Variants in LEKR1 observed in about 807,000 individuals in gnomAD.
LEKR1 encodes leucine, glutamate and lysine rich 1, also known as protein LEKR1.
A neutral mutation model predicts 72.4 loss-of-function variants in LEKR1; 59 were observed. The ratio of observed to expected loss-of-function variants is 0.82; its 90% CI spans 0.66 to 1.01. The LOEUF is 1.01. Among genes scored for constraint, LEKR1 ranks in the 50% least tolerant of loss-of-function variants. LEKR1 has a pLI of 0.00. For synonymous variants in LEKR1, 257 were observed against 263.2 expected, an observed-to-expected ratio of 0.98 and a Z score of 0.23; for missense variants, 728 against 759.2, an observed-to-expected ratio of 0.96 and a Z score of 0.48.
At chr3:156,827,550 C>T (rs1576616469) in intron 1 of LEKR1, among the ~76,000 whole-genome samples, 1 of 152,308 alleles carries the variant, frequency 6.6e-6, no homozygotes, top group East Asian at 1.9e-4. Flanking sequence ...ATTGTGTCTC[C>T]TTGGCTGTAT....
chr3:156,843,129 A>T (rs1714148132), intron 2 of LEKR1, among the ~76,000 whole-genome samples: 1 of 152,202 alleles, frequency 6.6e-6, no homozygotes, highest in Non-Finnish European at 1.5e-5. Context: ...AAATTATAGT[A>T]CTGTTCTGGG....
chr3:157,031,661 C>A (rs1483493547), intron 12 of LEKR1, among the ~76,000 whole-genome samples: 2 of 152,062 alleles, frequency 1.3e-5, no homozygotes, highest in Admixed American at 1.3e-4. Context: ...ATTCCAGACA[C>A]TTGAAATTTC....
At chr3:156,970,823 C>T (rs909900512) in intron 6 of LEKR1, among the ~76,000 whole-genome samples, 2 of 152,054 alleles carry the variant, frequency 1.3e-5, no homozygotes. Flanking sequence ...CAAACCACTG[C>T]TCAAGGAAAT....
intron 3 of LEKR1, among the ~76,000 whole-genome samples, chr3:156,881,390 C>G (rs1270934612): frequency 6.6e-6 from 1 of 152,066 alleles, no homozygotes; most frequent in Non-Finnish European, 1.5e-5. Flanking sequence ...TGAGTGAACT[C>G]CCATTCACAA....
intron 10 of LEKR1, among the ~76,000 whole-genome samples, chr3:157,016,754 T>C (rs1733375676): frequency 6.6e-6 from 1 of 152,216 alleles, no homozygotes; most frequent in Middle Eastern, 3.4e-3. Flanking sequence ...GCAAAATATA[T>C]GACAATAATA....
chr3:156,960,821 G>A (rs6803064), intron 6 of LEKR1, among the ~76,000 whole-genome samples: 92,918 of 152,024 alleles, frequency 0.61, 29,569 homozygotes, highest in Admixed American at 0.74. Context: ...GCCAACATAT[G>A]AAGTAAAAAT....
chr3:157,002,903 C>T (rs1732122341), intron 9 of LEKR1, among the ~76,000 whole-genome samples: 1 of 152,116 alleles, frequency 6.6e-6, no homozygotes, highest in South Asian at 2.1e-4. Flanking sequence ...TTACATTTAA[C>T]ATGAGTTCCA....
intron 7 of LEKR1, among the ~76,000 whole-genome samples, chr3:156,980,614 G>A (rs1438752980): frequency 2.0e-5 from 3 of 152,120 alleles, no homozygotes; most frequent in Admixed American, 6.6e-5. Flanking sequence ...CATCAAGGAG[G>A]GGTTTGGCCA....
chr3:156,973,223 C>G (rs569206858), intron 6 of LEKR1, among the ~76,000 whole-genome samples: 1 of 152,210 alleles, frequency 6.6e-6, no homozygotes, highest in Admixed American at 6.6e-5. Flanking sequence ...GTCTCAAGCA[C>G]TATAACAGAT....
intron 12 of LEKR1, among the ~76,000 whole-genome samples, chr3:157,043,452 GTTT>G (rs35621263): frequency 1.4e-5 from 2 of 145,600 alleles, no homozygotes; most frequent in Non-Finnish European, 3.0e-5. Context: ...GTCCTTCTGT[GTTT>G]TTTTTTTTTT....
At chr3:156,900,843 A>G (rs1721956671) in intron 3 of LEKR1, among the ~76,000 whole-genome samples, 1 of 152,212 alleles carries the variant, frequency 6.6e-6, no homozygotes, top group Non-Finnish European at 1.5e-5. Flanking sequence ...TTAATGGTGA[A>G]GTGAAGAGCA....
intron 11 of LEKR1, among the ~76,000 whole-genome samples, chr3:157,027,181 CT>C (rs1209119985): frequency 3.3e-3 from 469 of 144,042 alleles, no homozygotes; most frequent in East Asian, 0.013. Flanking sequence ...ACAAATCTTG[CT>C]TTTTTTTTTT....
chr3:156,933,481 T>C (rs1483123350), intron 5 of LEKR1, among the ~76,000 whole-genome samples: 1 of 152,174 alleles, frequency 6.6e-6, no homozygotes, highest in Non-Finnish European at 1.5e-5. Context: ...TGTCAGTCTC[T>C]TTAATTTTAT....
intron 3 of LEKR1, among the ~76,000 whole-genome samples, chr3:156,883,885 C>A (rs1010092384): frequency 2.6e-5 from 4 of 152,120 alleles, no homozygotes; most frequent in African/African-American, 9.7e-5. Flanking sequence ...GTACTGAAGT[C>A]CTCAACTATT....
chr3:156,830,320 A>G (rs960254229), intron 2 of LEKR1, among the ~76,000 whole-genome samples: 23 of 152,222 alleles, frequency 1.5e-4, no homozygotes, highest in African/African-American at 5.3e-4. Flanking sequence ...GTGCAATTTC[A>G]TAAGCTTTGG....
At chr3:156,876,147 T>C (rs1412546032) in intron 3 of LEKR1, among the ~76,000 whole-genome samples, 1 of 152,114 alleles carries the variant, frequency 6.6e-6, no homozygotes, top group African/African-American at 2.4e-5. Context: ...CTGTAAGTAT[T>C]TGGCTTTATT....
intron 10 of LEKR1, among the ~76,000 whole-genome samples, chr3:157,012,460 G>T (rs1049288869): frequency 1.3e-5 from 2 of 152,202 alleles, no homozygotes; most frequent in East Asian, 1.9e-4. Context: ...AACAAGCAGT[G>T]GCCTCCTTCA....
intron 6 of LEKR1, among the ~76,000 whole-genome samples, chr3:156,973,353 A>G (rs1413183381): frequency 6.6e-6 from 1 of 152,024 alleles, no homozygotes; most frequent in Non-Finnish European, 1.5e-5. Flanking sequence ...TTTATTAGCT[A>G]TGATGATGAT....
intron 12 of LEKR1, among the ~76,000 whole-genome samples, chr3:157,031,265 T>TA (rs1459239400): frequency 1.3e-5 from 2 of 152,050 alleles, no homozygotes; most frequent in Non-Finnish European, 2.9e-5. Context: ...AAAGCTTTTT[T>TA]AAAAAAATGT....
Sources: gnomAD v4.1 joint callset for allele counts (sites outside exome capture counted in the v4.1 genomes callset) on GRCh38, gnomAD v4.1.1 for gene constraint, MANE v1.5 for transcripts, NCBI Gene and HGNC (gene_info 2026-07-23, HGNC 2026-07-21) for gene names.